CADPS2: variants seen among roughly 807,000 people sequenced by gnomAD.
CADPS2 encodes calcium-dependent secretion activator 2.
Under a neutral mutation model 172.5 loss-of-function variants are expected in CADPS2, and 93 were observed. The observed-to-expected ratio is 0.54, with a 90% CI of 0.46 to 0.64. The LOEUF (loss-of-function observed/expected upper bound fraction) is 0.64, where lower values mean the gene tolerates loss of function less well. CADPS2 is among the 30% of genes least tolerant of loss of function. CADPS2 has a pLI of 0.00. For synonymous variants in CADPS2, 546 were observed against 555.2 expected (o/e 0.98, Z 0.23); for missense variants, 1,420 against 1,565.9 (o/e 0.91, Z 1.57).
chr7:122,458,555 T>C (rs1370914684), intron 14 of CADPS2, among the ~76,000 whole-genome samples: 1 of 152,208 alleles, frequency 6.6e-6, no homozygotes, highest in African/African-American at 2.4e-5. Flanking sequence ...CTGAAATATG[T>C]TCTTATCTTT....
At chr7:122,702,133 G>A in intron 2 of CADPS2, 2 of 1,613,696 alleles carry the variant, frequency 1.2e-6, no homozygotes, top group Non-Finnish European at 1.7e-6. Context: ...CGCAATCTAA[G>A]TAAAAGTAGG....
At chr7:122,883,979 A>T (rs1823626083) in intron 1 of CADPS2, among the ~76,000 whole-genome samples, 1 of 152,238 alleles carries the variant, frequency 6.6e-6, no homozygotes, top group African/African-American at 2.4e-5. Flanking sequence ...TTTTGAACAA[A>T]TATTTAAACA....
rs1429394276 is a variant in CADPS2 at position 122,881,627 on chromosome 7, G to C, written c.339+4372C>G. 3.3e-5 allele frequency among the ~76,000 whole-genome samples: 5 copies of C among 152,150 alleles called. No homozygotes were observed. In the East Asian group the frequency reaches 7.7e-4, roughly 23 times the overall value. On this transcript the variant is annotated intron_variant, in intron 1 of 29. Transcript: ENST00000449022. ...AAAATGAATCACCCTATCTCCCTAA[G>C]AGTATGGCATTTTTGGACTATCATC...
intron 2 of CADPS2, among the ~76,000 whole-genome samples, chr7:122,721,573 G>A (rs1338883401): frequency 6.6e-6 from 1 of 152,082 alleles, no homozygotes; most frequent in Non-Finnish European, 1.5e-5. Context: ...AAAAAGTCCA[G>A]GACCAGATGG....
At chr7:122,618,438 G>A (rs998006805) in intron 5 of CADPS2, among the ~76,000 whole-genome samples, 2 of 151,640 alleles carry the variant, frequency 1.3e-5, no homozygotes, top group African/African-American at 4.8e-5. Context: ...ATAAATAACT[G>A]AACTATATGT....
chr7:122,453,045 A>G (rs2053331753), intron 14 of CADPS2, among the ~76,000 whole-genome samples: 1 of 152,180 alleles, frequency 6.6e-6, no homozygotes, highest in Non-Finnish European at 1.5e-5. Flanking sequence ...AATATAGAGT[A>G]CATAATTTTT....
At chr7:122,401,056 C>T (rs971336076) in intron 20 of CADPS2, among the ~76,000 whole-genome samples, 1 of 152,064 alleles carries the variant, frequency 6.6e-6, no homozygotes, top group African/African-American at 2.4e-5. Flanking sequence ...TCTATTATGG[C>T]TAATTTGACT....
At chr7:122,668,461 C>G (rs977461866) in intron 2 of CADPS2, among the ~76,000 whole-genome samples, 1 of 151,108 alleles carries the variant, frequency 6.6e-6, no homozygotes, top group Non-Finnish European at 1.5e-5. Flanking sequence ...TTCTGAAATG[C>G]CTACATTTTA....
intron 16 of CADPS2, 125 bp from the exon 17 acceptor site, chr7:122,438,589 A>C (rs2050958350): frequency 8.9e-7 from 1 of 1,121,754 alleles, no homozygotes; most frequent in African/African-American, 1.5e-5. Context: ...TGATCTGACT[A>C]TTATTAGGGA....
chr7:122,508,628 C>A (rs1251672683), intron 9 of CADPS2, among the ~76,000 whole-genome samples: 4 of 151,134 alleles, frequency 2.6e-5, no homozygotes, highest in African/African-American at 9.7e-5. Flanking sequence ...TGGCACCTAG[C>A]CTTAGGTAGA....
intron 14 of CADPS2, among the ~76,000 whole-genome samples, chr7:122,459,879 C>T (rs555895125): frequency 4.0e-5 from 6 of 151,688 alleles, no homozygotes; most frequent in African/African-American, 1.5e-4. Flanking sequence ...AAAATGCATA[C>T]AAAATAAAAA....
intron 6 of CADPS2, among the ~76,000 whole-genome samples, chr7:122,597,379 G>A (rs1252471928): frequency 6.6e-6 from 1 of 152,172 alleles, no homozygotes; most frequent in South Asian, 2.1e-4. Context: ...ATTTACCTGA[G>A]CACTGCTGCT....
chr7:122,534,444 G>T (rs1017445342), intron 8 of CADPS2, among the ~76,000 whole-genome samples: 2 of 152,080 alleles, frequency 1.3e-5, no homozygotes, highest in Admixed American at 1.3e-4. Context: ...ATATTATGCA[G>T]ATTTGTTTTT....
intron 1 of CADPS2, among the ~76,000 whole-genome samples, chr7:122,817,072 G>A (rs533985968): frequency 2.0e-5 from 3 of 150,564 alleles, no homozygotes; most frequent in African/African-American, 7.4e-5. Flanking sequence ...ATCTCCCTTC[G>A]CTAACTCTCT....
Position 122,804,670 on chromosome 7 carries a change from G to A in CADPS2, c.340-67602C>T, listed in dbSNP as rs531021403. On this transcript the variant is annotated intron_variant, in intron 1 of 29. Coordinates refer to ENST00000449022, the MANE Select transcript of CADPS2 (RefSeq NM_017954.11). Reference sequence around the variant, plus strand: ...ATTATACTCAATATTGTGATACAGAGACACCTCAGGACCCAATGCATCATA... The same window carrying A: ...ATTATACTCAATATTGTGATACAGAAACACCTCAGGACCCAATGCATCATA... Among the ~76,000 whole-genome samples the A allele has an allele frequency of 2.0e-5, 3 of 152,260 alleles. No homozygotes were observed. In the South Asian group the frequency reaches 6.2e-4, roughly 32 times the overall value.
At chr7:122,810,546 T>TA (rs1335610017) in intron 1 of CADPS2, among the ~76,000 whole-genome samples, 1 of 152,218 alleles carries the variant, frequency 6.6e-6, no homozygotes, top group African/African-American at 2.4e-5. Context: ...AAGTCCTATT[T>TA]AAAACGTAGA....
intron 8 of CADPS2, among the ~76,000 whole-genome samples, chr7:122,532,510 T>C (rs1258204565): frequency 6.6e-6 from 1 of 152,070 alleles, no homozygotes; most frequent in Non-Finnish European, 1.5e-5. Flanking sequence ...ATATACACAC[T>C]GCCGCACTCC....
At chr7:122,468,445 A>C (rs948060327) in intron 14 of CADPS2, among the ~76,000 whole-genome samples, 2 of 152,218 alleles carry the variant, frequency 1.3e-5, no homozygotes, top group African/African-American at 4.8e-5. Flanking sequence ...TAGGAATATA[A>C]TTACATACAC....
intron 3 of CADPS2, among the ~76,000 whole-genome samples, chr7:122,653,296 C>A (rs10243551): frequency 1.3e-5 from 2 of 152,174 alleles, no homozygotes; most frequent in Admixed American, 1.3e-4. Context: ...GACACTGTTA[C>A]AGTTAGGAGA....
Sources: allele counts gnomAD v4.1 joint callset (sites outside exome capture counted in the v4.1 genomes callset), GRCh38; gene constraint gnomAD v4.1.1; transcripts MANE v1.5; gene names NCBI Gene and HGNC (gene_info 2026-07-23, HGNC 2026-07-21).